The following GSE1 variants were observed in gnomAD, a reference collection of about 807,000 sequenced individuals.
GSE1 encodes genetic suppressor element 1.
Under a neutral mutation model 112.6 loss-of-function variants are expected in GSE1, and 32 were observed. The ratio of observed to expected loss-of-function variants is 0.28; its 90% CI spans 0.21 to 0.38. GSE1 has a LOEUF of 0.38. GSE1 is among the 10% of genes least tolerant of loss of function. The pLI is 1.00. For missense variants in GSE1, 2,348 were observed against 1,699.2 expected, an observed-to-expected ratio of 1.38 and a Z score of -6.71; for synonymous variants, 1,115 against 735.6, an observed-to-expected ratio of 1.52 and a Z score of -8.35.
At chr16:85,662,630 A>G in intron 9 of GSE1, 1 of 249,406 alleles carries the variant, frequency 4.0e-6, no homozygotes, top group Non-Finnish European at 7.7e-6. Context: ...TGGCCACAGC[A>G]TGGGGGAGTG....
intron 1 of GSE1, among the ~76,000 whole-genome samples, chr16:85,314,670 C>T (rs968436678): frequency 2.0e-5 from 3 of 152,186 alleles, no homozygotes; most frequent in African/African-American, 4.8e-5. Flanking sequence ...CCATGCATGG[C>T]GGGCCTGGGT....
intron 1 of GSE1, among the ~76,000 whole-genome samples, chr16:85,199,054 G>T (rs2074980627): frequency 6.6e-6 from 1 of 151,806 alleles, no homozygotes; most frequent in African/African-American, 2.4e-5. Context: ...AAGTGATTCT[G>T]CTGCCTCAGC....
chr16:85,487,774 G>C (rs1056298218), intron 2 of GSE1, among the ~76,000 whole-genome samples: 7 of 152,240 alleles, frequency 4.6e-5, no homozygotes, highest in Non-Finnish European at 8.8e-5. Flanking sequence ...CCAGGCCACT[G>C]CTCATTCTGG....
chr16:85,220,405 C>T (rs945119416), intron 1 of GSE1, among the ~76,000 whole-genome samples: 3 of 152,330 alleles, frequency 2.0e-5, no homozygotes, highest in Admixed American at 6.5e-5. Context: ...GATGGAAACT[C>T]GATCACCCCC....
intron 2 of GSE1, among the ~76,000 whole-genome samples, chr16:85,377,736 C>T (rs2047451685): frequency 6.6e-6 from 1 of 152,242 alleles, no homozygotes; most frequent in Non-Finnish European, 1.5e-5. Context: ...GGCACCAGGC[C>T]TAGCCCAGGG....
rs1432785885 is a variant in GSE1 at position 85,270,300 on chromosome 16, T to TGATG, written c.2284-87162_2284-87159dup. Among the ~76,000 whole-genome samples, 5 of 148,756 alleles carry TGATG rather than the reference T, an allele frequency of 3.4e-5. 1 individual carries two copies. The highest frequency in any genetic ancestry group is 7.6e-5 in the Non-Finnish European group (5 of 65,994). On this transcript the variant is annotated intron_variant, in intron 1 of 2. Transcript: ENST00000637419. Reference sequence around the variant, plus strand: ...ACATGCCTCTCTGTTGAGGCCCAGGTGATGATCCCAGTGACCTGCTGCTCT... The same window carrying TGATG: ...ACATGCCTCTCTGTTGAGGCCCAGGTGATGGATGATCCCAGTGACCTGCTGCTCT...
At chr16:85,462,677 G>A (rs1485992288) in intron 2 of GSE1, among the ~76,000 whole-genome samples, 1 of 142,276 alleles carries the variant, frequency 7.0e-6, no homozygotes, top group Non-Finnish European at 1.5e-5. Context: ...CGCGGGCGGG[G>A]GAGGGCGGCG....
In GSE1 at chr16:85,657,404, C is replaced by T. The variant is rs2052054984; in HGVS notation, c.1440C>T (p.Ser480=). 2.5e-6 allele frequency: 4 copies of T among 1,612,700 alleles called. No individual in the cohort carries two copies. Among genetic ancestry groups the T allele is most frequent in the South Asian group, 1.1e-5 (1 of 90,998 alleles). ...SNHGIFSLPS[S]SAATALLIQR... ...ATGGCATCTTCTCTCTGCCTAGCAG[C>T]AGTGCTGCCACAGCCCTGCTGATCC... Residue 480 remains serine, a synonymous_variant, in exon 8 of 16, where the codon AGC becomes AGT. Coordinates refer to ENST00000253458, the MANE Select transcript of GSE1 (RefSeq NM_014615.5).
At chr16:85,197,339 C>T (rs902606915) in intron 1 of GSE1, among the ~76,000 whole-genome samples, 1 of 152,196 alleles carries the variant, frequency 6.6e-6, no homozygotes, top group Non-Finnish European at 1.5e-5. Flanking sequence ...TCACTAGCCA[C>T]AGAGAGAAGA....
At chr16:85,313,383 G>A (rs559246441) in intron 1 of GSE1, among the ~76,000 whole-genome samples, 63 of 152,242 alleles carry the variant, frequency 4.1e-4, no homozygotes, top group African/African-American at 1.1e-3. Context: ...CCCCTGCCCC[G>A]AGACCACCCT....
intron 2 of GSE1, among the ~76,000 whole-genome samples, chr16:85,479,257 C>A (rs1166369426): frequency 8.0e-6 from 1 of 125,638 alleles, no homozygotes; most frequent in Non-Finnish European, 1.6e-5. Context: ...TGGTCTTGAT[C>A]TCCTGACCCC....
intron 2 of GSE1, among the ~76,000 whole-genome samples, chr16:85,448,545 G>A (rs59720774): frequency 1.3e-5 from 2 of 152,158 alleles, no homozygotes; most frequent in Non-Finnish European, 2.9e-5. Flanking sequence ...CGGGACCCCA[G>A]GGGGAAGATG....
At chr16:85,433,750 G>A (rs1272972776) in intron 2 of GSE1, among the ~76,000 whole-genome samples, 1 of 152,046 alleles carries the variant, frequency 6.6e-6, no homozygotes, top group Non-Finnish European at 1.5e-5. Flanking sequence ...TGGATCAATG[G>A]ATGCTGGATG....
At chr16:85,275,969 A>G (rs1028909084) in intron 1 of GSE1, among the ~76,000 whole-genome samples, 1 of 152,208 alleles carries the variant, frequency 6.6e-6, no homozygotes, top group African/African-American at 2.4e-5. Context: ...GGTGCTTTCT[A>G]TGTCCTTGGC....
At chr16:85,219,729 T>C (rs1028439593) in intron 1 of GSE1, among the ~76,000 whole-genome samples, 1 of 152,216 alleles carries the variant, frequency 6.6e-6, no homozygotes, top group Non-Finnish European at 1.5e-5. Flanking sequence ...TTTTCCAGAA[T>C]TGTATTTGGA....
rs945880217 is a variant in GSE1 at position 85,373,390 on chromosome 16, G to C, written c.2464+15747G>C. On this transcript the variant is annotated intron_variant, in intron 2 of 2. Transcript: ENST00000637419. The surrounding 1 kb of genome is among the most constrained non-coding windows in gnomAD (Gnocchi z 5.1). The stretch of plus-strand genomic sequence containing the variant: ...CTCTGGTGTCTTCTCTTGTCAAACA[G>C]ACAAAAAATGGAAAGAAAGCAAGGG... 6.6e-6 allele frequency among the ~76,000 whole-genome samples: 1 copy of C among 152,130 alleles called. No homozygotes were observed. The highest frequency in any genetic ancestry group is 1.5e-5 in the Non-Finnish European group (1 of 68,010).
rs1005030934 is a variant in GSE1 at position 85,623,655 on chromosome 16, C to T, written c.7+10257C>T. ...CCGGTGCCTGCAGGCAGGCACACTG[C>T]GCCTTCTGACTTAAAGGCGCCCATT... On this transcript the variant is annotated intron_variant, in intron 1 of 15. Transcript: ENST00000253458. 5.3e-5 allele frequency among the ~76,000 whole-genome samples: 8 copies of T among 152,306 alleles called. No homozygotes were observed. The South Asian group carries it at 6.2e-4, about 12-fold the overall frequency.
chr16:85,273,281 A>G (rs1909033164), intron 1 of GSE1, among the ~76,000 whole-genome samples: 1 of 149,554 alleles, frequency 6.7e-6, no homozygotes, highest in South Asian at 2.1e-4. Flanking sequence ...ACTTAGGAAG[A>G]GTAGATTTTA....
chr16:85,183,236 C>T (rs572209822), intron 1 of GSE1, among the ~76,000 whole-genome samples: 1 of 152,350 alleles, frequency 6.6e-6, no homozygotes, highest in South Asian at 2.1e-4. Context: ...CTCTCTCATT[C>T]ATGCACACTC....
Sources: gnomAD v4.1 joint callset for allele counts (sites outside exome capture counted in the v4.1 genomes callset) on GRCh38, gnomAD v4.1.1 for gene constraint, Gnocchi (gnomAD v3.1) non-coding constraint, MANE v1.5 for transcripts, NCBI Gene and HGNC (gene_info 2026-07-23, HGNC 2026-07-21) for gene names.